Variants in MEIKIN observed in about 807,000 individuals in gnomAD.
MEIKIN encodes meiosis-specific kinetochore protein.
intron 4 of MEIKIN, among the ~76,000 whole-genome samples, chr5:131,935,036 G>A (rs1286937540): frequency 6.6e-6 from 1 of 150,970 alleles, no homozygotes; most frequent in African/African-American, 2.4e-5. Flanking sequence ...ACTCCAGCCT[G>A]GTGACAGAGT....
intron 8 of MEIKIN, among the ~76,000 whole-genome samples, chr5:131,889,368 G>A (rs1750865326): frequency 6.6e-6 from 1 of 152,112 alleles, no homozygotes; most frequent in African/African-American, 2.4e-5. Context: ...CCATTTGTTT[G>A]TATCCTCGTT....
At chr5:131,845,800 C>T (rs1252247011) in intron 11 of MEIKIN, among the ~76,000 whole-genome samples, 1 of 151,854 alleles carries the variant, frequency 6.6e-6, no homozygotes, top group Non-Finnish European at 1.5e-5. Context: ...CTGTGGGACA[C>T]CATCAAGCAA....
At chr5:131,917,176 G>A (rs971828629) in intron 6 of MEIKIN, among the ~76,000 whole-genome samples, 7 of 152,094 alleles carry the variant, frequency 4.6e-5, no homozygotes, top group African/African-American at 1.2e-4. Flanking sequence ...GTCTTTTCAC[G>A]TGTATTATCT....
chr5:131,890,369 A>T (rs1435453446), intron 8 of MEIKIN, among the ~76,000 whole-genome samples: 1 of 152,142 alleles, frequency 6.6e-6, no homozygotes, highest in Non-Finnish European at 1.5e-5. Flanking sequence ...TTATTGCCTC[A>T]ATTTCAGAAC....
At chr5:131,905,764 A>G (rs75380334) in intron 8 of MEIKIN, among the ~76,000 whole-genome samples, 187 of 152,306 alleles carry the variant, frequency 1.2e-3, no homozygotes, top group African/African-American at 4.0e-3. Context: ...AAATCTACCA[A>G]AACAAGCAAT....
chr5:131,819,144 A>G (rs762541285), intron 11 of MEIKIN, among the ~76,000 whole-genome samples: 8 of 152,096 alleles, frequency 5.3e-5, no homozygotes, highest in Non-Finnish European at 1.2e-4. Flanking sequence ...GGGAGTAAGT[A>G]ATGGTAGAGC....
chr5:131,871,846 C>A lies in MEIKIN; in HGVS notation c.774+7132G>T, dbSNP rs187644368. Among the ~76,000 whole-genome samples, 785 of 152,242 alleles carry A rather than the reference C, an allele frequency of 5.2e-3. 4 individuals carry two copies. The highest frequency in any genetic ancestry group is 0.017 in the African/African-American group (721 of 41,548). On this transcript the variant is annotated intron_variant, in intron 9 of 12. Coordinates refer to ENST00000442687, the MANE Select transcript of MEIKIN (RefSeq NM_001303622.2). The stretch of plus-strand genomic sequence containing the variant: ...AGCAGCATTTGCGGTTCACCAATAT[C>A]CGATGTTCTGCAGCCACCACTGCTG...
At chr5:131,874,628 C>T (rs886829591) in intron 9 of MEIKIN, among the ~76,000 whole-genome samples, 12 of 152,188 alleles carry the variant, frequency 7.9e-5, no homozygotes, top group African/African-American at 2.9e-4. Context: ...AGAGGGAATC[C>T]TCCCTAACTC....
intron 3 of MEIKIN, chr5:131,944,395 G>C (rs1459217536): frequency 6.9e-6 from 2 of 288,654 alleles, no homozygotes; most frequent in Non-Finnish European, 1.3e-5. Context: ...GTAACATTTT[G>C]TATTTGTCAT....
At chr5:131,864,513 C>A (rs766883495) in intron 9 of MEIKIN, among the ~76,000 whole-genome samples, 1 of 152,182 alleles carries the variant, frequency 6.6e-6, no homozygotes, top group Non-Finnish European at 1.5e-5. Context: ...CCTCGGCTGG[C>A]AGATTTGTTC....
rs1167213249 is a variant in MEIKIN, at chr5:131,819,765, A to ATTTTT, written c.976-907_976-903dup. The stretch of plus-strand genomic sequence containing the variant: ...TAGGCATGCACCACTACATCCAGCT[A>ATTTTT]TTTTTTTTTTTTTTTTTTTTTTTTT... On this transcript the variant is annotated intron_variant, in intron 11 of 12. Coordinates refer to ENST00000442687, the MANE Select transcript of MEIKIN (RefSeq NM_001303622.2). 1.4e-3 allele frequency among the ~76,000 whole-genome samples: 90 copies of ATTTTT among 64,576 alleles called. 13 individuals are homozygous for ATTTTT. Among genetic ancestry groups the ATTTTT allele is most frequent in the African/African-American group, 6.4e-3 (82 of 12,794 alleles). 42.4% of individuals were successfully genotyped at this position (64,576 alleles called of 152,430 possible).
intron 4 of MEIKIN, among the ~76,000 whole-genome samples, chr5:131,935,329 T>A (rs2108450): frequency 6.9e-6 from 1 of 145,568 alleles, no homozygotes; most frequent in Admixed American, 6.7e-5. Flanking sequence ...CTATGAAAAC[T>A]CAATAATAAG....
chr5:131,811,764 G>C (rs190439914), intron 12 of MEIKIN, among the ~76,000 whole-genome samples: 1 of 152,012 alleles, frequency 6.6e-6, no homozygotes, highest in Non-Finnish European at 1.5e-5. Flanking sequence ...CCATCACCAC[G>C]CCCAGCTAAT....
At chr5:131,944,845 G>A (rs1340792835) in intron 2 of MEIKIN, 93 bp from the exon 3 acceptor site, 1 of 398,492 alleles carries the variant, frequency 2.5e-6, no homozygotes, top group African/African-American at 2.1e-5. Context: ...GGCTCTTTAG[G>A]GACATCTTTA....
intron 8 of MEIKIN, 97 bp downstream of exon 8, chr5:131,911,718 T>C (rs1284916856): frequency 2.6e-6 from 1 of 388,596 alleles, no homozygotes; most frequent in Non-Finnish European, 4.6e-6. Context: ...CTAACTTTGT[T>C]AATGCATGTT....
chr5:131,924,270 T>C (rs1751554291), intron 5 of MEIKIN, among the ~76,000 whole-genome samples: 1 of 152,228 alleles, frequency 6.6e-6, no homozygotes, highest in Non-Finnish European at 1.5e-5. Flanking sequence ...CTACTGTGAA[T>C]AATGCTGCAA....
intron 11 of MEIKIN, among the ~76,000 whole-genome samples, chr5:131,828,489 T>A (rs1256312881): frequency 1.3e-5 from 2 of 152,066 alleles, no homozygotes; most frequent in Admixed American, 6.6e-5. Flanking sequence ...AAGATAAAAT[T>A]GAGGAAATCT....
chr5:131,833,908 T>TAA, intron 11 of MEIKIN, among the ~76,000 whole-genome samples: 1 of 152,238 alleles, frequency 6.6e-6, no homozygotes, highest in East Asian at 1.9e-4. Flanking sequence ...TTATCTTTCC[T>TAA]TTGTTTCTAC....
intron 3 of MEIKIN, among the ~76,000 whole-genome samples, chr5:131,943,406 A>G (rs1373332390): frequency 6.6e-6 from 1 of 152,240 alleles, no homozygotes; most frequent in Non-Finnish European, 1.5e-5. Context: ...TCTTAGGGTA[A>G]CAATGTGAGG....
Sources: gnomAD v4.1 joint callset for allele counts (sites outside exome capture counted in the v4.1 genomes callset) on GRCh38, gnomAD v4.1.1 for gene constraint, MANE v1.5 for transcripts, NCBI Gene and HGNC (gene_info 2026-07-23, HGNC 2026-07-21) for gene names.